The following OTOP2 variants were observed in gnomAD, a reference collection of about 807,000 sequenced individuals.
OTOP2 encodes the protein otopetrin 2.
Under a neutral mutation model 47.4 loss-of-function variants are expected in OTOP2, and 41 were observed. That is an observed-to-expected ratio of 0.87 (90% CI 0.67 to 1.12). The LOEUF is 1.12. Ranked by LOEUF, OTOP2 falls within the 50% of genes most tolerant of loss-of-function variation. The probability of loss-of-function intolerance (pLI) is 0.00; values close to 1 mark genes in which losing one functional copy is unlikely to be tolerated. For missense variants in OTOP2, 721 were observed against 752.2 expected (o/e 0.96, Z 0.49); for synonymous variants, 328 against 319.6 (o/e 1.03, Z -0.28).
rs900352893 is a variant in OTOP2 at position 74,924,473 on chromosome 17, C to T, written c.-33-127C>T. ...CATTTTCTCTTCCCCTTTCCCAGCG[C>T]TTCCTCCAGCACCCGAAGCCCCAAC... On this transcript the variant is annotated intron_variant, in intron 1 of 6. Transcript: ENST00000331427. The surrounding 1 kb of genome is among the most constrained non-coding windows in gnomAD (Gnocchi z 7.7). 1.3e-6 allele frequency: 1 copy of T among 781,808 alleles called. No individual in the cohort carries two copies. The highest frequency in any genetic ancestry group is 2.9e-5 in the East Asian group (1 of 34,168). The allele number at this position is 781,808 out of a possible 1,614,324, so 48.4% of individuals were successfully genotyped here.
rs200336109 is a variant in OTOP2, at chr17:74,931,076, G to T, written c.1441G>T (p.Val481Phe). ...PSDQREAVAIVSTPRSQWRRQ... is the reference protein window; with the variant it reads ...PSDQREAVAIFSTPRSQWRRQ... Reference sequence around the variant, plus strand: ...AGACCAGCGGGAAGCAGTGGCCATCGTCTCAACCCCCAGAAGCCAGTGGAG... The same window carrying T: ...AGACCAGCGGGAAGCAGTGGCCATCTTCTCAACCCCCAGAAGCCAGTGGAG... Residue 481 changes from valine (V) to phenylalanine (F), a missense_variant, in exon 6 of 7, where the codon GTC (valine) becomes TTC (phenylalanine). Coordinates refer to ENST00000331427, the MANE Select transcript of OTOP2 (RefSeq NM_178160.3). The T allele has an allele frequency of 6.2e-7, 1 of 1,614,068 alleles. No homozygotes were observed. Among genetic ancestry groups the T allele is most frequent in the Admixed American group, 1.7e-5 (1 of 60,002 alleles).
intron 6 of OTOP2, among the ~76,000 whole-genome samples, chr17:74,932,385 A>G (rs1462921529): frequency 6.6e-6 from 1 of 152,200 alleles, no homozygotes; most frequent in East Asian, 1.9e-4. Flanking sequence ...GTGAGGTCCC[A>G]CTGTGAAGGG....
At position 74,933,719 on chromosome 17, in the gene OTOP2, C is replaced by A; in HGVS notation, c.*174C>A. On this transcript the variant is annotated 3_prime_UTR_variant, in exon 7 of 7. Coordinates refer to ENST00000331427, the MANE Select transcript of OTOP2 (RefSeq NM_178160.3). The surrounding 1 kb of genome is among the most constrained non-coding windows in gnomAD (Gnocchi z 4.7). ...CCAGGTTCAATTTTTAAATCACAGT[C>A]AGGACAGGCCCATCCACCCCAGTAT... 2 of 744,484 alleles carry A rather than the reference C, an allele frequency of 2.7e-6. No individual in the cohort carries two copies. Among genetic ancestry groups the A allele is most frequent in the Non-Finnish European group, 4.1e-6 (2 of 484,654 alleles). The allele number at this position is 744,484 out of a possible 1,614,324, so 46.1% of individuals were successfully genotyped here.
In OTOP2 at chr17:74,924,598, A is replaced by G; in HGVS notation, c.-33-2A>G. 4 of 1,499,664 alleles carry G rather than the reference A, an allele frequency of 2.7e-6. No homozygotes were observed. Among genetic ancestry groups the G allele is most frequent in the South Asian group, 1.3e-5 (1 of 76,268 alleles). 92.9% of individuals were successfully genotyped at this position (1,499,664 alleles called of 1,614,324 possible). A position where few individuals can be genotyped will look rare whatever the true frequency, so the allele number is the denominator to read the frequency against. On this transcript the variant is annotated splice_acceptor_variant, in intron 1 of 6. Transcript: ENST00000331427. LOFTEE classifies it low-confidence loss of function (5UTR_SPLICE). This position sits in a 1 kb window ranked among gnomAD's most constrained non-coding sequence, Gnocchi z 7.7. ...GGAGTTTTGTCCGCTCCTCCCCTAC[A>G]GTGATCCCTCTAGCCTTCTCCAGTC...
rs1478123393 is a variant in OTOP2 at position 74,933,302 on chromosome 17, C to T, written c.1519-73C>T. ...GATGGGCCGCCATCTAGCCACGGCC[C>T]AGCAAAACCCACAGAAATGACCCAC... On this transcript the variant is annotated intron_variant, in intron 6 of 6. Coordinates refer to ENST00000331427, the MANE Select transcript of OTOP2 (RefSeq NM_178160.3). The surrounding 1 kb of genome is among the most constrained non-coding windows in gnomAD (Gnocchi z 4.7). The T allele has an allele frequency of 6.5e-7, 1 of 1,527,146 alleles. No homozygotes were observed. Among genetic ancestry groups the T allele is most frequent in the Non-Finnish European group, 8.9e-7 (1 of 1,126,510 alleles). The allele number at this position is 1,527,146 out of a possible 1,614,324, so 94.6% of individuals were successfully genotyped here.
chr17:74,933,284 C>T lies in OTOP2; in HGVS notation c.1519-91C>T. 3 of 1,457,654 alleles carry T rather than the reference C, an allele frequency of 2.1e-6. No individual in the cohort carries two copies. Among genetic ancestry groups the T allele is most frequent in the Non-Finnish European group, 2.8e-6 (3 of 1,072,430 alleles). 90.3% of individuals were successfully genotyped at this position (1,457,654 alleles called of 1,614,324 possible). ...TGTCCACCAAGCTAGAAGGATGGGC[C>T]GCCATCTAGCCACGGCCCAGCAAAA... On this transcript the variant is annotated intron_variant, in intron 6 of 6. Transcript: ENST00000331427. This position sits in a 1 kb window ranked among gnomAD's most constrained non-coding sequence, Gnocchi z 4.7.
chr17:74,933,583 C>T lies in OTOP2; in HGVS notation c.*38C>T, dbSNP rs1326666771. The T allele has an allele frequency of 1.3e-6, 2 of 1,549,104 alleles. No homozygotes were observed. The highest frequency in any genetic ancestry group is 1.2e-5 in the South Asian group (1 of 84,506). On this transcript the variant is annotated 3_prime_UTR_variant, in exon 7 of 7. Coordinates refer to ENST00000331427, the MANE Select transcript of OTOP2 (RefSeq NM_178160.3). The surrounding 1 kb of genome is among the most constrained non-coding windows in gnomAD (Gnocchi z 4.7). The stretch of plus-strand genomic sequence containing the variant: ...AGGCATGGGGGGCAGGAAGAGGGGG[C>T]TCAGCTCATGTGCCCACTCAGACAC...
intron 3 of OTOP2, 49 bp downstream of exon 3, chr17:74,925,741 C>A: frequency 6.2e-7 from 1 of 1,609,586 alleles, no homozygotes; most frequent in Non-Finnish European, 8.5e-7. Context: ...AACACTTGGC[C>A]ATTGGGAAGG....
intron 4 of OTOP2, 164 bp from the exon 5 acceptor site, chr17:74,927,501 C>CT (rs1263626780): frequency 8.0e-6 from 9 of 1,124,734 alleles, no homozygotes; most frequent in Admixed American, 7.2e-5. Context: ...TCCTAGCCCT[C>CT]TCTTTGGTGG....
intron 5 of OTOP2, chr17:74,928,000 T>TCCTTGAGGCTGCAGCCCAGGCC (rs1249558499): frequency 2.9e-6 from 2 of 679,882 alleles, no homozygotes; most frequent in Non-Finnish European, 4.7e-6. Context: ...TACCCTTTTA[T>TCCTTGAGGCTGCAGCCCAGGCC]CCTTGAGGCT....
intron 5 of OTOP2, chr17:74,928,140 C>A: frequency 4.5e-6 from 1 of 220,192 alleles, no homozygotes; most frequent in South Asian, 1.2e-4. Flanking sequence ...CTCAGGAGTT[C>A]AAGACCACCC....
chr17:74,929,860 T>G (rs1317919549), intron 5 of OTOP2, among the ~76,000 whole-genome samples: 1 of 152,164 alleles, frequency 6.6e-6, no homozygotes, highest in African/African-American at 2.4e-5. Flanking sequence ...ATAGCAGTCA[T>G]GACAGACAGG....
rs1242655265 is a variant in OTOP2 at position 74,927,728 on chromosome 17, A to G, written c.573A>G (p.Glu191=). 6.2e-7 allele frequency: 1 copy of G among 1,614,030 alleles called. No homozygotes were observed. The highest frequency in any genetic ancestry group is 8.5e-7 in the Non-Finnish European group (1 of 1,180,024). Residue 191 remains glutamate (E), a synonymous_variant, in exon 5 of 7, where the codon GAA becomes GAG. Transcript: ENST00000331427. ...TCTGGATGGCGGCCGTGGTGGATGA[A>G]TCTGTGCACCAATCCCACTCCTACA... ...LAIWMAAVVD[E]SVHQSHSYSS...
At chr17:74,927,894 C>T (rs879937987) in intron 5 of OTOP2, 96 bp downstream of exon 5, 25 of 1,461,170 alleles carry the variant, frequency 1.7e-5, no homozygotes, top group Non-Finnish European at 2.2e-5. Context: ...CTCATGAGGG[C>T]ATAGAGGCAA....
In OTOP2 at chr17:74,931,826, G is replaced by A. The variant is rs143493727; in HGVS notation, c.1518+673G>A. Among the ~76,000 whole-genome samples, 58 of 152,026 alleles carry A rather than the reference G, an allele frequency of 3.8e-4. No homozygotes were observed. The East Asian group carries it at 5.6e-3, about 15-fold the overall frequency. The stretch of plus-strand genomic sequence containing the variant: ...AAATTAGCCAGGCGTGGTAGTGTGC[G>A]CACCCTATAATCTCAGCTACTTGGG... On this transcript the variant is annotated intron_variant, in intron 6 of 6. Coordinates refer to ENST00000331427, the MANE Select transcript of OTOP2 (RefSeq NM_178160.3).
chr17:74,930,844 C>T lies in OTOP2; in HGVS notation c.1209C>T (p.Asn403=), dbSNP rs1326883823. 1.2e-6 allele frequency: 2 copies of T among 1,614,002 alleles called. No individual in the cohort carries two copies. Among genetic ancestry groups the T allele is most frequent in the Admixed American group, 1.7e-5 (1 of 59,990 alleles). The change falls in exon 6 of 7, where the codon AAC becomes AAT. Residue 403 remains asparagine (N), a synonymous_variant. Transcript: ENST00000331427. This position sits in a 1 kb window ranked among gnomAD's most constrained non-coding sequence, Gnocchi z 4.0. ...GTPQDLLAGL[N]LTHALLMIAQ... ...CCCAGGACCTGCTGGCAGGGCTCAACCTCACCCATGCACTGCTCATGATCG... is the reference window on the plus strand; with the variant it reads ...CCCAGGACCTGCTGGCAGGGCTCAATCTCACCCATGCACTGCTCATGATCG...
Position 74,933,713 on chromosome 17 carries a change from C to T in OTOP2, c.*168C>T. Reference sequence around the variant, plus strand: ...ATTTTTCCAGGTTCAATTTTTAAATCACAGTCAGGACAGGCCCATCCACCC... The same window carrying T: ...ATTTTTCCAGGTTCAATTTTTAAATTACAGTCAGGACAGGCCCATCCACCC... On this transcript the variant is annotated 3_prime_UTR_variant, in exon 7 of 7. Coordinates refer to ENST00000331427, the MANE Select transcript of OTOP2 (RefSeq NM_178160.3). The surrounding 1 kb of genome is among the most constrained non-coding windows in gnomAD (Gnocchi z 4.7). 1.2e-6 allele frequency: 1 copy of T among 853,620 alleles called. No homozygotes were observed. The highest frequency in any genetic ancestry group is 1.7e-6 in the Non-Finnish European group (1 of 579,412). The allele number at this position is 853,620 out of a possible 1,614,324, so 52.9% of individuals were successfully genotyped here.
chr17:74,930,611 G>C lies in OTOP2; in HGVS notation c.976G>C (p.Val326Leu), dbSNP rs1166864628. The C allele has an allele frequency of 5.0e-6, 8 of 1,614,014 alleles. No homozygotes were observed. The highest frequency in any genetic ancestry group is 6.8e-6 in the Non-Finnish European group (8 of 1,180,018). The change falls in exon 6 of 7, where the codon GTC becomes CTC. Residue 326 changes from valine (V) to leucine (L), a missense_variant. By Grantham distance (32) the Val-to-Leu change is conservative. Coordinates refer to ENST00000331427, the MANE Select transcript of OTOP2 (RefSeq NM_178160.3). This position sits in a 1 kb window ranked among gnomAD's most constrained non-coding sequence, Gnocchi z 4.0. ...GDGSRTRQAL[V>L]IYYSFNIVCL... ...CGGGAGCCGCACCAGGCAGGCCCTG[G>C]TCATCTACTACAGCTTCAACATTGT...
In OTOP2 at chr17:74,933,360, C is replaced by T; in HGVS notation, c.1519-15C>T. 1.3e-6 allele frequency: 2 copies of T among 1,587,810 alleles called. No individual in the cohort carries two copies. Among genetic ancestry groups the T allele is most frequent in the Non-Finnish European group, 8.6e-7 (1 of 1,159,956 alleles). ...CATCCAGGCCAGCTCCTGAAATGCT[C>T]CTCTCTCCACACAGCTGTGGATCAT... On this transcript the variant is annotated splice_polypyrimidine_tract_variant and intron_variant, in intron 6 of 6. Transcript: ENST00000331427. The surrounding 1 kb of genome is among the most constrained non-coding windows in gnomAD (Gnocchi z 4.7).
Sources: gnomAD v4.1 joint callset for allele counts (sites outside exome capture counted in the v4.1 genomes callset) on GRCh38, gnomAD v4.1.1 for gene constraint, Gnocchi (gnomAD v3.1) non-coding constraint, MANE v1.5 for transcripts, NCBI Gene and HGNC (gene_info 2026-07-23, HGNC 2026-07-21) for gene names.